The following CYFIP2 variants were observed in gnomAD, a reference collection of about 807,000 sequenced individuals.
CYFIP2 encodes cytoplasmic FMR1-interacting protein 2.
CYFIP2 carries 29 observed loss-of-function variants against 158.7 expected under a neutral mutation model. That is an observed-to-expected ratio of 0.18 (90% confidence interval 0.14 to 0.25). CYFIP2 has a LOEUF of 0.25. Among genes scored for constraint, CYFIP2 ranks in the 10% least tolerant of loss-of-function variants. The pLI is 1.00. For synonymous variants in CYFIP2, 585 were observed against 617.6 expected (o/e 0.95, Z 0.78); for missense variants, 852 against 1,639.5 (o/e 0.52, Z 8.29).
At chr5:157,323,156 G>C (rs183249859) in intron 15 of CYFIP2, 488 of 823,302 alleles carry the variant, frequency 5.9e-4, no homozygotes, top group Non-Finnish European at 8.1e-4. Flanking sequence ...TTAGCAAAGA[G>C]AACCACCCCA....
Position 157,360,234 on chromosome 5 carries a change from C to T in CYFIP2, c.2818-48C>T, listed in dbSNP as rs376351068. 1.1e-5 allele frequency: 16 copies of T among 1,523,536 alleles called. No homozygotes were observed. In the African/African-American group the frequency reaches 1.1e-4, roughly 10 times the overall value. 94.4% of individuals were successfully genotyped at this position (1,523,536 alleles called of 1,614,324 possible). On this transcript the variant is annotated intron_variant, in intron 24 of 30. Transcript: ENST00000620254. ...AGGTCTCAGCATAACCTCCATACCC[C>T]GCATAGCCCAGAATTCAGCCCACTC...
intron 5 of CYFIP2, among the ~76,000 whole-genome samples, chr5:157,298,207 T>G (rs541838549): frequency 6.6e-6 from 1 of 152,358 alleles, no homozygotes; most frequent in East Asian, 1.9e-4. Flanking sequence ...CCTTTTAAAA[T>G]TTTTGGTACC....
chr5:157,390,394 G>A, intron 29 of CYFIP2, 127 bp from the exon 30 acceptor site: 1 of 848,334 alleles, frequency 1.2e-6, no homozygotes, highest in Non-Finnish European at 1.8e-6. Flanking sequence ...CATTTTATAG[G>A]TTAAGAGACT....
intron 28 of CYFIP2, among the ~76,000 whole-genome samples, chr5:157,385,817 A>C (rs781552887): frequency 6.6e-6 from 1 of 152,152 alleles, no homozygotes; most frequent in Non-Finnish European, 1.5e-5. Context: ...TAGAGAAGGA[A>C]TATTGATGAT....
intron 3 of CYFIP2, among the ~76,000 whole-genome samples, chr5:157,291,412 G>A (rs1246287259): frequency 6.6e-6 from 1 of 152,216 alleles, no homozygotes; most frequent in Non-Finnish European, 1.5e-5. Context: ...TGACAGATCT[G>A]GCTGATGGCC....
intron 21 of CYFIP2, among the ~76,000 whole-genome samples, chr5:157,334,404 T>C (rs1761708287): frequency 1.3e-5 from 2 of 152,314 alleles, no homozygotes; most frequent in Middle Eastern, 3.4e-3. Flanking sequence ...TTCAATTTTA[T>C]GTACATCTTA....
intron 1 of CYFIP2, among the ~76,000 whole-genome samples, chr5:157,278,545 A>T (rs1756741070): frequency 6.6e-6 from 1 of 152,218 alleles, no homozygotes. Context: ...AAAAGTGTTT[A>T]CTTCTCCATA....
chr5:157,356,621 A>G (rs1581131904), intron 23 of CYFIP2, among the ~76,000 whole-genome samples: 1 of 152,132 alleles, frequency 6.6e-6, no homozygotes, highest in South Asian at 2.1e-4. Context: ...GAGGTAAGCC[A>G]TGGCTTGTTT....
chr5:157,267,559 G>A (rs1755707799), intron 1 of CYFIP2, among the ~76,000 whole-genome samples: 1 of 152,176 alleles, frequency 6.6e-6, no homozygotes, highest in African/African-American at 2.4e-5. Flanking sequence ...CTTCCATACA[G>A]TGCCCTGCCC....
In CYFIP2 at chr5:157,379,668, C is replaced by CAAAAAAAAAAA. The variant is rs70984468; in HGVS notation, c.3040-2907_3040-2897dup. 2.4e-4 allele frequency among the ~76,000 whole-genome samples: 18 copies of CAAAAAAAAAAA among 73,636 alleles called. 1 individual carries two copies. The highest frequency in any genetic ancestry group is 7.8e-4 in the African/African-American group (15 of 19,302). The allele number at this position is 73,636 out of a possible 152,430, so 48.3% of individuals were successfully genotyped here. A position where few individuals can be genotyped will look rare whatever the true frequency, so the allele number is the denominator to read the frequency against. ...CAGGCAAGGGAGCAAGACCCTGTCT[C>CAAAAAAAAAAA]AAAAAAAAAAAAAAAAAAAAAAAAA... On this transcript the variant is annotated intron_variant, in intron 26 of 30. Transcript: ENST00000620254.
Position 157,323,977 on chromosome 5 carries a change from G to A in CYFIP2, c.1728G>A (p.Lys576=). The A allele has an allele frequency of 1.9e-6, 3 of 1,610,428 alleles. No individual in the cohort carries two copies. The South Asian group carries it at 3.3e-5, about 18-fold the overall frequency. ...TCATTGCAGACAAAAGCGGCTCCAA[G>A]AAGACCCTGAGGAGCAGCCTGGATG... ...ESLIADKSGS[K]KTLRSSLDGP... Residue 576 remains lysine, a synonymous_variant, in exon 16 of 31, where the codon AAG becomes AAA. Transcript: ENST00000620254.
At chr5:157,333,480 T>C in intron 21 of CYFIP2, 34 bp downstream of exon 21, 1 of 1,613,794 alleles carries the variant, frequency 6.2e-7, no homozygotes, top group South Asian at 1.1e-5. Context: ...ATTTCTGCTC[T>C]GTGATTTCTC....
chr5:157,310,116 G>A (rs1030932527), intron 10 of CYFIP2, among the ~76,000 whole-genome samples: 6 of 152,226 alleles, frequency 3.9e-5, no homozygotes, highest in East Asian at 1.9e-4. Flanking sequence ...AGTCCACCTC[G>A]TTCCCTGAAG....
chr5:157,365,215 A>G (rs1217758747), intron 26 of CYFIP2: 2 of 152,250 alleles, frequency 1.3e-5, no homozygotes, highest in Non-Finnish European at 2.9e-5. Flanking sequence ...ATGTATTATT[A>G]TTGACCTATA....
At chr5:157,351,283 A>G (rs1394750538) in intron 23 of CYFIP2, among the ~76,000 whole-genome samples, 3 of 152,150 alleles carry the variant, frequency 2.0e-5, no homozygotes, top group Admixed American at 1.3e-4. Flanking sequence ...GTTCAGAGCC[A>G]TTTCCTGAGT....
intron 1 of CYFIP2, chr5:157,269,519 T>C (rs1755899401): frequency 6.6e-6 from 1 of 152,110 alleles, no homozygotes; most frequent in African/African-American, 2.4e-5. Context: ...ACGTTCAAAA[T>C]TGAGCAATGG....
At chr5:157,392,165 A>G (rs912279668) in intron 30 of CYFIP2, among the ~76,000 whole-genome samples, 2 of 152,158 alleles carry the variant, frequency 1.3e-5, no homozygotes, top group Non-Finnish European at 2.9e-5. Context: ...TATCAGATAT[A>G]ATTTGTGATT....
chr5:157,360,834 G>A lies in CYFIP2; in HGVS notation c.2908+462G>A, dbSNP rs964623597. Reference sequence around the variant, plus strand: ...AATAATCATTTCCTTCCTTAATAGTGAACTGAAAACAGGGCCTGGAGAAGA... The same window carrying A: ...AATAATCATTTCCTTCCTTAATAGTAAACTGAAAACAGGGCCTGGAGAAGA... On this transcript the variant is annotated intron_variant, in intron 25 of 30. Coordinates refer to ENST00000620254, the MANE Select transcript of CYFIP2 (RefSeq NM_001037333.3). Among the ~76,000 whole-genome samples, 15 of 152,154 alleles carry A rather than the reference G, an allele frequency of 9.9e-5. 1 individual carries two copies. The highest frequency in any genetic ancestry group is 3.4e-4 in the African/African-American group (14 of 41,440).
rs1007733479 is a variant in CYFIP2, at chr5:157,286,943, G to A, written c.118-76G>A. 1.4e-5 allele frequency: 16 copies of A among 1,114,650 alleles called. No individual in the cohort carries two copies. The Admixed American group carries it at 1.6e-4, about 11-fold the overall frequency. 69.0% of individuals were successfully genotyped at this position (1,114,650 alleles called of 1,614,324 possible). A position where few individuals can be genotyped will look rare whatever the true frequency, so the allele number is the denominator to read the frequency against. On this transcript the variant is annotated intron_variant, in intron 2 of 30. Coordinates refer to ENST00000620254, the MANE Select transcript of CYFIP2 (RefSeq NM_001037333.3). Reference sequence around the variant, plus strand: ...GAGCTTGCGTTGTTTGTTGGCAGCAGTTTGCCCTCTGGACACCCAGCCAAC... The same window carrying A: ...GAGCTTGCGTTGTTTGTTGGCAGCAATTTGCCCTCTGGACACCCAGCCAAC...
Sources: gnomAD v4.1 joint callset for allele counts (sites outside exome capture counted in the v4.1 genomes callset) on GRCh38, gnomAD v4.1.1 for gene constraint, MANE v1.5 for transcripts, NCBI Gene and HGNC (gene_info 2026-07-23, HGNC 2026-07-21) for gene names.